Variants in TTLL3 observed in about 807,000 individuals in gnomAD.
The protein encoded by TTLL3 is tubulin monoglycylase TTLL3.
A neutral mutation model predicts 75.2 loss-of-function variants in TTLL3; 63 were observed. The observed-to-expected ratio is 0.84, with a 90% CI of 0.68 to 1.03. The LOEUF (loss-of-function observed/expected upper bound fraction) is 1.03, where lower values mean the gene tolerates loss of function less well. Ranked by LOEUF, TTLL3 falls within the 50% of genes least tolerant of loss-of-function variation. The pLI is 0.00. For missense variants in TTLL3, 997 were observed against 1,069.9 expected (o/e 0.93, Z 0.95); for synonymous variants, 393 against 418.5 (o/e 0.94, Z 0.74).
chr3:9,830,828 G>C (rs1283888408), intron 11 of TTLL3, among the ~76,000 whole-genome samples: 1 of 151,734 alleles, frequency 6.6e-6, no homozygotes, highest in East Asian at 1.9e-4. Flanking sequence ...TTTGAGACGG[G>C]GTCTTGCTCT....
intron 6 of TTLL3, 28 bp downstream of exon 6, chr3:9,817,787 A>C: frequency 6.2e-7 from 1 of 1,613,862 alleles, no homozygotes. Flanking sequence ...CCTATGCCTG[A>C]ACCTCAGGCT....
chr3:9,825,890 C>T lies in TTLL3; in HGVS notation c.945C>T (p.Asp315=), dbSNP rs374883998. ...QQLQAVVPQI[D]MEGDRNIWIV... ...TGCAGGCCGTGGTACCCCAGATAGA[C>T]ATGGAAGGGGATCGCAACATCTGGA... The change falls in exon 9 of 14, where the codon GAC becomes GAT. Residue 315 remains aspartate (D), a synonymous_variant. Transcript: ENST00000685419. 1 of 1,614,178 alleles carries T rather than the reference C, an allele frequency of 6.2e-7. No individual in the cohort carries two copies. Among genetic ancestry groups the T allele is most frequent in the Non-Finnish European group, 8.5e-7 (1 of 1,180,026 alleles).
chr3:9,833,390 C>G (rs964876072), intron 12 of TTLL3, 145 bp downstream of exon 12: 85 of 1,279,692 alleles, frequency 6.6e-5, no homozygotes, highest in Non-Finnish European at 8.8e-5. Flanking sequence ...AAAAGGGCCA[C>G]AGCCCTGGTC....
rs1183658172 is a variant in TTLL3 at position 9,835,113 on chromosome 3, T to TC, written c.2074dup (p.Arg692ProfsTer37). On this transcript the variant is annotated frameshift_variant, in exon 14 of 14. Coordinates refer to ENST00000685419, the MANE Select transcript of TTLL3 (RefSeq NM_001387446.1). LOFTEE classifies it low-confidence loss of function (END_TRUNC). The stretch of plus-strand genomic sequence containing the variant: ...ACCGAGGCTCCTGCTCTCCTGTGCC[T>TC]CCGAGGCCCCCAGCTGGAAGTGCCT... The TC allele has an allele frequency of 1.9e-6, 3 of 1,611,612 alleles. No homozygotes were observed. The East Asian group carries it at 6.7e-5, about 36-fold the overall frequency.
chr3:9,830,538 G>A (rs2081422311), intron 11 of TTLL3, among the ~76,000 whole-genome samples: 1 of 152,200 alleles, frequency 6.6e-6, no homozygotes, highest in African/African-American at 2.4e-5. Context: ...CTTTGTTACA[G>A]TTGTTATTGA....
intron 2 of TTLL3, among the ~76,000 whole-genome samples, chr3:9,812,399 C>T (rs1281326818): frequency 2.0e-5 from 3 of 152,140 alleles, no homozygotes; most frequent in Admixed American, 1.3e-4. Flanking sequence ...CCTGTACTCC[C>T]AGCTACTGGG....
At position 9,823,868 on chromosome 3, in the gene TTLL3, C is replaced by A. The variant is rs550162646; in HGVS notation, c.855-1932C>A. 6.6e-5 allele frequency among the ~76,000 whole-genome samples: 10 copies of A among 152,350 alleles called. No homozygotes were observed. In the South Asian group the frequency reaches 2.1e-3, roughly 32 times the overall value. On this transcript the variant is annotated intron_variant, in intron 8 of 13. Transcript: ENST00000685419. The stretch of plus-strand genomic sequence containing the variant: ...AATGCGAGAGTCTGGATGAGGCAGC[C>A]ATCTGGGGTATTTTGTGACTTGGTT...
In TTLL3 at chr3:9,816,922, C is replaced by T. The variant is rs544659018; in HGVS notation, c.444+720C>T. The stretch of plus-strand genomic sequence containing the variant: ...AGGATGAAGGGCTTTATAATAATGA[C>T]CTGCCATTATATTATTGGTGTGGGT... On this transcript the variant is annotated intron_variant, in intron 5 of 13. Coordinates refer to ENST00000685419, the MANE Select transcript of TTLL3 (RefSeq NM_001387446.1). 2.6e-5 allele frequency among the ~76,000 whole-genome samples: 4 copies of T among 152,228 alleles called. No homozygotes were observed. The East Asian group carries it at 7.7e-4, about 29-fold the overall frequency.
rs371054960 is a variant in TTLL3 at position 9,821,951 on chromosome 3, C to T, written c.854+1210C>T. Among the ~76,000 whole-genome samples, 34 of 144,592 alleles carry T rather than the reference C, an allele frequency of 2.4e-4. No homozygotes were observed. The East Asian group carries it at 3.5e-3, about 15-fold the overall frequency. 94.9% of individuals were successfully genotyped at this position (144,592 alleles called of 152,430 possible). On this transcript the variant is annotated intron_variant, in intron 8 of 13. Transcript: ENST00000685419. The stretch of plus-strand genomic sequence containing the variant: ...CTGGGAGTCGGAGCTTGCAGTGAGC[C>T]GAGATCGCGCCACTGTACTCCAGCC...
chr3:9,831,797 T>C (rs914240221), intron 11 of TTLL3, among the ~76,000 whole-genome samples: 1 of 21,770 alleles, frequency 4.6e-5, no homozygotes, highest in Non-Finnish European at 1.8e-4. Context: ...TTTTATTTGA[T>C]TTTTTTTTTT....
At position 9,816,201 on chromosome 3, in the gene TTLL3, AG is replaced by A; in HGVS notation, c.444+1del. Reference protein sequence around the residue: ...HYARAGSFTTKVGLCLNLRNL... With the variant: ...HYARAGSFTTXVGLCLNLRNL... ...GCCCGGGCTGGCTCCTTTACCACAA[AG>A]GTGGGCTCCCTAGAGGAGCAGGCAG... is the stretch of plus-strand genomic sequence containing the variant. On this transcript the variant is annotated frameshift_variant and splice_region_variant, in exon 5 of 14. Transcript: ENST00000685419. LOFTEE classifies it high-confidence loss of function. 7.4e-7 allele frequency: 1 copy of A among 1,351,368 alleles called. No individual in the cohort carries two copies. The highest frequency in any genetic ancestry group is 9.9e-7 in the Non-Finnish European group (1 of 1,014,624). The allele number at this position is 1,351,368 out of a possible 1,614,324, so 83.7% of individuals were successfully genotyped here. A position where few individuals can be genotyped will look rare whatever the true frequency, so the allele number is the denominator to read the frequency against.
chr3:9,810,615 C>T lies in TTLL3; in HGVS notation c.-41-6C>T, dbSNP rs758226360. The T allele has an allele frequency of 8.3e-6, 13 of 1,559,980 alleles. No homozygotes were observed. The highest frequency in any genetic ancestry group is 1.9e-5 in the Admixed American group (1 of 51,310). On this transcript the variant is annotated splice_polypyrimidine_tract_variant and splice_region_variant and intron_variant, in intron 1 of 13. Coordinates refer to ENST00000685419, the MANE Select transcript of TTLL3 (RefSeq NM_001387446.1). This position sits in a 1 kb window ranked among gnomAD's most constrained non-coding sequence, Gnocchi z 4.4. ...TACCCCGCCCCTATTCCGCATCTTT[C>T]TGCAGGTTTCCCGGTCCTCTGGCGA...
intron 6 of TTLL3, 112 bp downstream of exon 6, chr3:9,817,871 C>G: frequency 7.2e-7 from 1 of 1,384,296 alleles, no homozygotes; most frequent in Non-Finnish European, 9.9e-7. Flanking sequence ...TCTGCCTGCC[C>G]CAGCAGATTT....
chr3:9,832,694 G>A (rs756114677), intron 11 of TTLL3, among the ~76,000 whole-genome samples: 1 of 151,988 alleles, frequency 6.6e-6, no homozygotes, highest in South Asian at 2.1e-4. Context: ...GGATTCACAC[G>A]AGGCTCTAGG....
At chr3:9,824,968 T>G (rs1392360764) in intron 8 of TTLL3, among the ~76,000 whole-genome samples, 1 of 150,246 alleles carries the variant, frequency 6.7e-6, no homozygotes, top group African/African-American at 2.4e-5. Flanking sequence ...CTCGAACTCC[T>G]GACCTCAGGT....
intron 6 of TTLL3, 32 bp from the exon 7 acceptor site, chr3:9,818,790 G>C (rs777985578): frequency 6.2e-7 from 1 of 1,613,724 alleles, no homozygotes; most frequent in African/African-American, 1.3e-5. Flanking sequence ...AAGCCTAGGG[G>C]CTGAGCAGGG....
At chr3:9,826,951 G>C (rs367743143) in intron 9 of TTLL3, 46 bp from the exon 10 acceptor site, 1 of 1,611,776 alleles carries the variant, frequency 6.2e-7, no homozygotes, top group Admixed American at 1.7e-5. Context: ...CCTTCTCCTG[G>C]CCCACGCCTG....
chr3:9,817,983 C>T (rs2080048457), intron 6 of TTLL3: 2 of 567,296 alleles, frequency 3.5e-6, no homozygotes, highest in Non-Finnish European at 6.1e-6. Flanking sequence ...GGTAGCTTGG[C>T]TTATATTCTA....
rs540084396 is a variant in TTLL3, at chr3:9,835,358, G to A, written c.2317G>A (p.Ala773Thr). The change falls in exon 14 of 14, where the codon GCC (alanine) becomes ACC (threonine). Residue 773 changes from alanine (A) to threonine (T), a missense_variant. Ala to Thr is a moderately conservative substitution (Grantham distance 58, BLOSUM62 0). Transcript: ENST00000685419. ...LGKPLLRFPT[A>T]LVLDPTPNKK... ...GAAGCCCCTGCTTCGATTCCCCACT[G>A]CCCTTGTCCTGGATCCAACACCAAA... 82 of 1,614,158 alleles carry A rather than the reference G, an allele frequency of 5.1e-5. No homozygotes were observed. In the African/African-American group the frequency reaches 1.0e-3, roughly 20 times the overall value.
Sources: gnomAD v4.1 joint callset for allele counts (sites outside exome capture counted in the v4.1 genomes callset) on GRCh38, gnomAD v4.1.1 for gene constraint, Gnocchi (gnomAD v3.1) non-coding constraint, MANE v1.5 for transcripts, NCBI Gene and HGNC (gene_info 2026-07-23, HGNC 2026-07-21) for gene names.